The following ZNF592 variants were observed in gnomAD, a reference collection of about 807,000 sequenced individuals.
ZNF592 encodes the protein spinocerebellar ataxia, autosomal recessive 5.
ZNF592 carries 11 observed loss-of-function variants against 80.3 expected under a neutral mutation model. The ratio of observed to expected loss-of-function variants is 0.14; its 90% CI spans 0.09 to 0.23. The LOEUF (loss-of-function observed/expected upper bound fraction) is 0.23, where lower values mean the gene tolerates loss of function less well. Ranked by LOEUF, ZNF592 falls within the 10% of genes least tolerant of loss-of-function variation. The pLI, the probability that ZNF592 is intolerant of heterozygous loss-of-function variation, is 1.00. For synonymous variants in ZNF592, 646 were observed against 640.3 expected, an observed-to-expected ratio of 1.01 and a Z score of -0.13; for missense variants, 1,420 against 1,633.9, an observed-to-expected ratio of 0.87 and a Z score of 2.26.
At chr15:84,751,325 A>G (rs1240197370) in intron 1 of ZNF592, among the ~76,000 whole-genome samples, 1 of 152,248 alleles carries the variant, frequency 6.6e-6, no homozygotes, top group Non-Finnish European at 1.5e-5. Context: ...ATTCAAAGCC[A>G]CATTTGTAAC....
At chr15:84,765,326 C>T (rs1465664813) in intron 2 of ZNF592, among the ~76,000 whole-genome samples, 1 of 152,116 alleles carries the variant, frequency 6.6e-6, no homozygotes, top group African/African-American at 2.4e-5. Flanking sequence ...CTGCTATGAA[C>T]ATGGGTGTAC....
chr15:84,789,819 C>G (rs1218501360), intron 4 of ZNF592, among the ~76,000 whole-genome samples: 2 of 152,202 alleles, frequency 1.3e-5, no homozygotes, highest in African/African-American at 4.8e-5. Context: ...CATCAGTGGC[C>G]ACCTCTGTGA....
At chr15:84,762,928 AAC>A (rs1382845556) in intron 1 of ZNF592, among the ~76,000 whole-genome samples, 4 of 152,222 alleles carry the variant, frequency 2.6e-5, no homozygotes, top group South Asian at 2.1e-4. Context: ...TCTAATCTAG[AAC>A]AGTGTTCTAG....
chr15:84,762,044 G>A (rs1899367679), intron 1 of ZNF592, among the ~76,000 whole-genome samples: 1 of 152,156 alleles, frequency 6.6e-6, no homozygotes, highest in Non-Finnish European at 1.5e-5. Flanking sequence ...CCAAACGGCT[G>A]CTTCTTTATG....
intron 3 of ZNF592, among the ~76,000 whole-genome samples, chr15:84,781,088 C>T (rs1466727483): frequency 6.6e-6 from 1 of 152,110 alleles, no homozygotes; most frequent in South Asian, 2.1e-4. Context: ...CTCACTCTGT[C>T]GCCCAGGCTG....
chr15:84,769,596 G>A (rs1481229163), intron 2 of ZNF592, among the ~76,000 whole-genome samples: 1 of 151,754 alleles, frequency 6.6e-6, no homozygotes, highest in East Asian at 1.9e-4. Flanking sequence ...GCCTTTGTGT[G>A]CCTGGACAGA....
In ZNF592 at chr15:84,784,662, G is replaced by A. The variant is rs375236634; in HGVS notation, c.1987G>A (p.Val663Met). Residue 663 changes from valine to methionine, a missense_variant, in exon 4 of 11, where the codon GTG becomes ATG. Val to Met is a conservative substitution (Grantham distance 21). Around this residue, in one of 7 missense-constraint regions of ZNF592, gnomAD observed 524 missense variants for 628.3 expected, o/e 0.83. Coordinates refer to ENST00000560079, the MANE Select transcript of ZNF592 (RefSeq NM_014630.3). This position sits in a 1 kb window ranked among gnomAD's most constrained non-coding sequence, Gnocchi z 5.8. ...VKPISADQMF[V>M]SAPVNSTAPA... ...GCCTATCTCTGCGGACCAAATGTTC[G>A]TGTCGGCCCCTGTGAACTCCACGGC... 23 of 1,614,100 alleles carry A rather than the reference G, an allele frequency of 1.4e-5. No individual in the cohort carries two copies. Among genetic ancestry groups the A allele is most frequent in the African/African-American group, 2.7e-5 (2 of 75,020 alleles).
chr15:84,760,812 G>C (rs1030023686), intron 1 of ZNF592, among the ~76,000 whole-genome samples: 59 of 152,254 alleles, frequency 3.9e-4, no homozygotes, highest in Admixed American at 9.8e-4. Context: ...TCTCTTACTG[G>C]TGCTGTTCAG....
At chr15:84,765,341 A>G (rs984817999) in intron 2 of ZNF592, among the ~76,000 whole-genome samples, 2 of 152,122 alleles carry the variant, frequency 1.3e-5, no homozygotes, top group African/African-American at 2.4e-5. Flanking sequence ...GTGTACAAGT[A>G]TCTTGTGTCC....
chr15:84,761,211 C>G (rs1899340859), intron 1 of ZNF592, among the ~76,000 whole-genome samples: 4 of 151,988 alleles, frequency 2.6e-5, no homozygotes, highest in Admixed American at 2.6e-4. Context: ...GGTGATCCAC[C>G]CACCTTGGCC....
chr15:84,769,492 C>T (rs1372507237), intron 2 of ZNF592, among the ~76,000 whole-genome samples: 3 of 151,034 alleles, frequency 2.0e-5, no homozygotes, highest in Non-Finnish European at 2.9e-5. Context: ...GTGAGCCCAC[C>T]GAGATCTGGT....
Position 84,783,574 on chromosome 15 carries a change from C to G in ZNF592, c.899C>G (p.Thr300Ser). 3.7e-6 allele frequency: 6 copies of G among 1,614,188 alleles called. No individual in the cohort carries two copies. Among genetic ancestry groups the G allele is most frequent in the Middle Eastern group, 1.6e-4 (1 of 6,062 alleles). The change falls in exon 4 of 11, where the codon ACT (threonine) becomes AGT (serine). Residue 300 changes from threonine to serine, a missense_variant. Coordinates refer to ENST00000560079, the MANE Select transcript of ZNF592 (RefSeq NM_014630.3). This position sits in a 1 kb window ranked among gnomAD's most constrained non-coding sequence, Gnocchi z 5.0. ...CAGGCCAAAAGAGTGGCTAGTGTCACTAAGGAGGATCAGCCTGGCCACACA... is the reference window on the plus strand; with the variant it reads ...CAGGCCAAAAGAGTGGCTAGTGTCAGTAAGGAGGATCAGCCTGGCCACACA... ...ALQAKRVASV[T>S]KEDQPGHTKD...
intron 3 of ZNF592, among the ~76,000 whole-genome samples, chr15:84,779,593 C>T (rs2141982092): frequency 6.6e-6 from 1 of 152,202 alleles, no homozygotes; most frequent in East Asian, 1.9e-4. Flanking sequence ...CTCAAGTGAT[C>T]CTCCTCCCTT....
chr15:84,768,061 A>ATTT (rs71135308), intron 2 of ZNF592, among the ~76,000 whole-genome samples: 24,512 of 136,122 alleles, frequency 0.18, 2,909 homozygotes, highest in Middle Eastern at 0.33. Context: ...TTTAATTTTA[A>ATTT]TTTTTTTTTT....
chr15:84,799,419 ACT>A lies in ZNF592; in HGVS notation c.3137+214_3137+215del, dbSNP rs1963029689. 6.6e-6 allele frequency among the ~76,000 whole-genome samples: 1 copy of A among 151,888 alleles called. No individual in the cohort carries two copies. The highest frequency in any genetic ancestry group is 2.4e-5 in the African/African-American group (1 of 41,320). ...GGTAGCTCCTGAGCCCTCTCTCGTC[ACT>A]CTCTAGCCCAGGACTGCACAGCCCA... On this transcript the variant is annotated intron_variant, in intron 9 of 10. Coordinates refer to ENST00000560079, the MANE Select transcript of ZNF592 (RefSeq NM_014630.3). This position sits in a 1 kb window ranked among gnomAD's most constrained non-coding sequence, Gnocchi z 4.2.
Position 84,803,271 on chromosome 15 carries a change from A to G in ZNF592, c.*878A>G, listed in dbSNP as rs1167142271. 4 of 152,542 alleles carry G rather than the reference A, an allele frequency of 2.6e-5. No homozygotes were observed. The highest frequency in any genetic ancestry group is 9.7e-5 in the African/African-American group (4 of 41,404). The allele number at this position is 152,542 out of a possible 1,614,324, so 9.4% of individuals were successfully genotyped here. A position where few individuals can be genotyped will look rare whatever the true frequency, so the allele number is the denominator to read the frequency against. On this transcript the variant is annotated 3_prime_UTR_variant, in exon 11 of 11. Coordinates refer to ENST00000560079, the MANE Select transcript of ZNF592 (RefSeq NM_014630.3). ...GCTACACTCATGTTGCTCAGACTAT[A>G]TTTCAAATAAAAAATCTTCTCACCA...
chr15:84,757,055 G>A (rs1325961631), intron 1 of ZNF592, among the ~76,000 whole-genome samples: 1 of 152,092 alleles, frequency 6.6e-6, no homozygotes, highest in East Asian at 1.9e-4. Flanking sequence ...AGAGGTTGCA[G>A]TGAGTCGACA....
intron 2 of ZNF592, among the ~76,000 whole-genome samples, chr15:84,772,884 G>A (rs1413218973): frequency 6.6e-6 from 1 of 151,950 alleles, no homozygotes; most frequent in Non-Finnish European, 1.5e-5. Flanking sequence ...AATGCTTTTT[G>A]GAGTCCCTCT....
intron 2 of ZNF592, 22 bp downstream of exon 2, chr15:84,764,837 G>T: frequency 2.5e-6 from 1 of 398,658 alleles, no homozygotes; most frequent in South Asian, 1.3e-4. Flanking sequence ...AGGCTGACCT[G>T]AACTGGCCTT....
Sources: allele counts gnomAD v4.1 joint callset (sites outside exome capture counted in the v4.1 genomes callset), GRCh38; gene constraint gnomAD v4.1.1; regional missense constraint gnomAD v4.1.1; non-coding constraint Gnocchi (gnomAD v3.1); transcripts MANE v1.5; gene names NCBI Gene and HGNC (gene_info 2026-07-23, HGNC 2026-07-21).